The following ARHGEF11 variants were observed in gnomAD, a reference collection of about 807,000 sequenced individuals.
ARHGEF11 encodes the protein Rho guanine exchange factor (GEF) 11.
In ARHGEF11, 55 loss-of-function variants were observed where a neutral mutation model predicts 193.7. That is an observed-to-expected ratio of 0.28 (90% confidence interval 0.23 to 0.36). ARHGEF11 has a LOEUF of 0.36. Among genes scored for constraint, ARHGEF11 ranks in the 10% least tolerant of loss-of-function variants. The pLI is 1.00. For synonymous variants in ARHGEF11, 693 were observed against 768.0 expected (o/e 0.90, Z 1.62); for missense variants, 1,723 against 2,005.6 (o/e 0.86, Z 2.69).
At chr1:157,042,647 T>C (rs1395362449) in intron 1 of ARHGEF11, among the ~76,000 whole-genome samples, 1 of 152,198 alleles carries the variant, frequency 6.6e-6, no homozygotes, top group Non-Finnish European at 1.5e-5. Context: ...TAGGAAACTG[T>C]AATGTGCTGG....
chr1:156,980,052 T>C (rs1663896800), intron 4 of ARHGEF11, among the ~76,000 whole-genome samples: 2 of 152,216 alleles, frequency 1.3e-5, no homozygotes, highest in African/African-American at 2.4e-5. Context: ...GTTATAGTAG[T>C]TCAGAATGGG....
intron 1 of ARHGEF11, among the ~76,000 whole-genome samples, chr1:157,041,815 C>T (rs953064484): frequency 3.9e-5 from 6 of 152,264 alleles, no homozygotes; most frequent in African/African-American, 1.4e-4. Context: ...ATGTGGTCTT[C>T]AAGAGTCTTA....
chr1:157,006,276 C>T (rs1000686915), intron 1 of ARHGEF11, among the ~76,000 whole-genome samples: 2 of 152,110 alleles, frequency 1.3e-5, no homozygotes, highest in South Asian at 2.1e-4. Context: ...CTGGCCCACA[C>T]ATCACAAATT....
At chr1:156,954,272 C>T (rs1047977951) in intron 21 of ARHGEF11, among the ~76,000 whole-genome samples, 22 of 150,866 alleles carry the variant, frequency 1.5e-4, no homozygotes, top group African/African-American at 3.9e-4. Context: ...CCTAGCTACT[C>T]GGGAGGCTGA....
chr1:157,025,256 C>T (rs997074795), intron 1 of ARHGEF11, among the ~76,000 whole-genome samples: 14 of 152,198 alleles, frequency 9.2e-5, no homozygotes, highest in Non-Finnish European at 2.1e-4. Flanking sequence ...CTTCCAGGTT[C>T]TTAGGTCTTT....
rs185719251 is a variant in ARHGEF11 at position 156,958,881 on chromosome 1, C to G, written c.1380-17G>C. On this transcript the variant is annotated splice_polypyrimidine_tract_variant and intron_variant, in intron 16 of 40. Transcript: ENST00000368194. ...CGCTTCGTTCTAAGCCAGATAAACA[C>G]AGGGAAAGAAAGAAATATACACAAA... 418 of 1,613,950 alleles carry G rather than the reference C, an allele frequency of 2.6e-4. 1 individual carries two copies. In the African/African-American group the frequency reaches 4.7e-3, roughly 18 times the overall value.
rs1321712987 is a variant in ARHGEF11 at position 157,045,614 on chromosome 1, G to A, written c.-1284C>T. 1.3e-5 allele frequency among the ~76,000 whole-genome samples: 2 copies of A among 151,132 alleles called. No homozygotes were observed. The highest frequency in any genetic ancestry group is 3.0e-5 in the Non-Finnish European group (2 of 67,692). ...CGCAGGACGCCCGGCCGGGCCTCGG[G>A]CTCCCGGCGCCGCTCGCCCCGCGCC... On this transcript the variant is annotated 5_prime_UTR_variant, in exon 1 of 41. Transcript: ENST00000368194.
chr1:157,000,851 G>T (rs755414904), intron 1 of ARHGEF11, among the ~76,000 whole-genome samples: 2 of 152,176 alleles, frequency 1.3e-5, no homozygotes, highest in South Asian at 2.1e-4. Context: ...CAGCTGTAAT[G>T]GGGGGCAGAA....
At chr1:157,033,843 T>C (rs1485045782) in intron 1 of ARHGEF11, among the ~76,000 whole-genome samples, 1 of 152,192 alleles carries the variant, frequency 6.6e-6, no homozygotes, top group African/African-American at 2.4e-5. Context: ...TAAAGGTCCT[T>C]TCCTCCACCA....
At chr1:156,963,161 G>T (rs1202352925) in intron 13 of ARHGEF11, 42 bp downstream of exon 13, 2 of 1,508,086 alleles carry the variant, frequency 1.3e-6, no homozygotes, top group African/African-American at 1.4e-5. Context: ...TCTCTGCCCA[G>T]TACCAGCAGG....
rs145177415 is a variant in ARHGEF11 at position 156,950,433 on chromosome 1, C to T, written c.1925+1140G>A. Reference sequence around the variant, plus strand: ...AGGAAGATTGCTGTGGTTGGGAGTTCGAGACCAAGCTGGGCAACATAGTGA... The same window carrying T: ...AGGAAGATTGCTGTGGTTGGGAGTTTGAGACCAAGCTGGGCAACATAGTGA... On this transcript the variant is annotated intron_variant, in intron 22 of 40. Coordinates refer to ENST00000368194, the MANE Select transcript of ARHGEF11 (RefSeq NM_198236.3). Among the ~76,000 whole-genome samples, 826 of 151,814 alleles carry T rather than the reference C, an allele frequency of 5.4e-3. 4 individuals carry two copies. Among genetic ancestry groups the T allele is most frequent in the African/African-American group, 0.019 (798 of 41,382 alleles).
intron 1 of ARHGEF11, among the ~76,000 whole-genome samples, chr1:156,988,843 A>T (rs1665308320): frequency 6.6e-6 from 1 of 152,202 alleles, no homozygotes; most frequent in Non-Finnish European, 1.5e-5. Context: ...GAAAACTACC[A>T]TTGAACTGAA....
chr1:156,991,707 C>CTTTTT (rs1208007433), intron 1 of ARHGEF11, among the ~76,000 whole-genome samples: 3 of 107,528 alleles, frequency 2.8e-5, no homozygotes, highest in Non-Finnish European at 3.7e-5. Context: ...TTTTTTCAAG[C>CTTTTT]TTATTTTTTT....
intron 1 of ARHGEF11, among the ~76,000 whole-genome samples, chr1:157,014,266 T>C (rs1380155622): frequency 1.3e-5 from 2 of 152,334 alleles, no homozygotes; most frequent in Non-Finnish European, 2.9e-5. Context: ...TACCTCTACC[T>C]ACAAGCTCCT....
At chr1:156,942,617 C>A in intron 33 of ARHGEF11, 73 bp downstream of exon 33, 2 of 1,412,280 alleles carry the variant, frequency 1.4e-6, no homozygotes, top group South Asian at 2.4e-5. Context: ...GCCTTGCTAC[C>A]CACTGTCCTC....
chr1:156,935,243 G>C lies in ARHGEF11; in HGVS notation c.*757C>G, dbSNP rs1474575993. 1 of 152,312 alleles carries C rather than the reference G, an allele frequency of 6.6e-6. No homozygotes were observed. The highest frequency in any genetic ancestry group is 1.5e-5 in the Non-Finnish European group (1 of 68,036). 9.4% of individuals were successfully genotyped at this position (152,312 alleles called of 1,614,324 possible). On this transcript the variant is annotated 3_prime_UTR_variant, in exon 41 of 41. Coordinates refer to ENST00000368194, the MANE Select transcript of ARHGEF11 (RefSeq NM_198236.3). ...ACCCCCATGATCCCCATCTTGTGAA[G>C]ATGAGAAGTCCAGGGAGGGAGGGAG...
chr1:157,038,295 G>C (rs968157436), intron 1 of ARHGEF11, among the ~76,000 whole-genome samples: 2 of 152,220 alleles, frequency 1.3e-5, no homozygotes, highest in African/African-American at 4.8e-5. Context: ...AGCAGGGTCT[G>C]GAAAGCAAGA....
chr1:156,957,245 C>T (rs1462405499), intron 18 of ARHGEF11, among the ~76,000 whole-genome samples: 1 of 152,196 alleles, frequency 6.6e-6, no homozygotes, highest in Non-Finnish European at 1.5e-5. Context: ...CTCCTAACCC[C>T]ATTTTCTCTC....
chr1:157,030,925 C>T lies in ARHGEF11; in HGVS notation c.32+13374G>A, dbSNP rs182187089. The stretch of plus-strand genomic sequence containing the variant: ...TCCTCAAGCTTCCATTCTTCTCTTG[C>T]CATGAATTATGCCCCCGCCCCCGCC... On this transcript the variant is annotated intron_variant, in intron 1 of 40. Coordinates refer to ENST00000368194, the MANE Select transcript of ARHGEF11 (RefSeq NM_198236.3). 3.5e-4 allele frequency among the ~76,000 whole-genome samples: 53 copies of T among 152,152 alleles called. No homozygotes were observed. In the East Asian group the frequency reaches 4.8e-3, roughly 14 times the overall value.
Sources: gnomAD v4.1 joint callset for allele counts (sites outside exome capture counted in the v4.1 genomes callset) on GRCh38, gnomAD v4.1.1 for gene constraint, MANE v1.5 for transcripts, NCBI Gene and HGNC (gene_info 2026-07-23, HGNC 2026-07-21) for gene names.